ANKH: variants seen among roughly 807,000 people sequenced by gnomAD.
The protein encoded by ANKH is ANKH inorganic pyrophosphate transport regulator.
ANKH carries 15 observed loss-of-function variants against 49.0 expected under a neutral mutation model. The ratio of observed to expected loss-of-function variants is 0.31; its 90% CI spans 0.20 to 0.47. The LOEUF is 0.47. Ranked by LOEUF, ANKH falls within the 20% of genes least tolerant of loss-of-function variation. ANKH has a pLI of 1.00. For missense variants in ANKH, 429 were observed against 652.0 expected (o/e 0.66, Z 3.72); for synonymous variants, 273 against 260.0 (o/e 1.05, Z -0.48).
At chr5:14,741,091 GT>G (rs1398695292) in intron 8 of ANKH, among the ~76,000 whole-genome samples, 2 of 152,160 alleles carry the variant, frequency 1.3e-5, no homozygotes, top group South Asian at 2.1e-4. Flanking sequence ...TAAACGGTAA[GT>G]TTTTTGCCAC....
At chr5:14,843,213 T>G (rs1329190232) in intron 1 of ANKH, among the ~76,000 whole-genome samples, 1 of 150,998 alleles carries the variant, frequency 6.6e-6, no homozygotes, top group Non-Finnish European at 1.5e-5. Context: ...ACTCGTTCTG[T>G]TGCCCAGGCC....
intron 1 of ANKH, among the ~76,000 whole-genome samples, chr5:14,813,770 T>C (rs1740954013): frequency 1.3e-5 from 2 of 152,172 alleles, no homozygotes; most frequent in South Asian, 2.1e-4. Flanking sequence ...CAGCATCATC[T>C]TCTTAAAACA....
chr5:14,752,187 G>C (rs190314582), intron 4 of ANKH, among the ~76,000 whole-genome samples: 1 of 152,096 alleles, frequency 6.6e-6, no homozygotes, highest in Non-Finnish European at 1.5e-5. Flanking sequence ...GTGCACACCC[G>C]TAGTCCTAGC....
At chr5:14,760,690 C>T (rs1181638700) in intron 2 of ANKH, among the ~76,000 whole-genome samples, 1 of 152,130 alleles carries the variant, frequency 6.6e-6, no homozygotes, top group Admixed American at 6.5e-5. Flanking sequence ...CTGTGCCAGG[C>T]GAGTAGAGCA....
rs59955511 is a variant in ANKH, at chr5:14,798,737, C to T, written c.97-29546G>A. On this transcript the variant is annotated intron_variant, in intron 1 of 11. Coordinates refer to ENST00000284268, the MANE Select transcript of ANKH (RefSeq NM_054027.6). ...CACAAACTGCACCCATATTAGATGG[C>T]AAACTTAATAAATGTGTGTGTCCTG... 4.2e-3 allele frequency among the ~76,000 whole-genome samples: 645 copies of T among 152,256 alleles called. 4 individuals are homozygous for T. Among genetic ancestry groups the T allele is most frequent in the African/African-American group, 0.015 (619 of 41,546 alleles).
At chr5:14,819,896 A>AAT (rs1442592831) in intron 1 of ANKH, among the ~76,000 whole-genome samples, 41 of 96,296 alleles carry the variant, frequency 4.3e-4, no homozygotes, top group Admixed American at 3.4e-3. Context: ...CAACAACAAA[A>AAT]ATATACACAC....
At chr5:14,735,957 C>T (rs1299975976) in intron 8 of ANKH, among the ~76,000 whole-genome samples, 1 of 151,362 alleles carries the variant, frequency 6.6e-6, no homozygotes. Context: ...TTTAACCCCC[C>T]ACTGACTACA....
intron 11 of ANKH, among the ~76,000 whole-genome samples, chr5:14,712,038 A>T (rs935470394): frequency 2.0e-5 from 3 of 152,132 alleles, no homozygotes; most frequent in African/African-American, 7.2e-5. Flanking sequence ...CTCAGCTTAC[A>T]TGACATGCTC....
chr5:14,789,057 C>T (rs1337753588), intron 1 of ANKH, among the ~76,000 whole-genome samples: 1 of 152,068 alleles, frequency 6.6e-6, no homozygotes, highest in African/African-American at 2.4e-5. Context: ...AGTGAAATCC[C>T]ATCTCTACAA....
intron 1 of ANKH, among the ~76,000 whole-genome samples, chr5:14,771,380 A>T (rs1392147745): frequency 6.6e-6 from 1 of 152,012 alleles, no homozygotes. Flanking sequence ...ACTTAAACAT[A>T]CTCCAAGAAT....
At chr5:14,786,129 C>G (rs987242268) in intron 1 of ANKH, among the ~76,000 whole-genome samples, 1 of 150,852 alleles carries the variant, frequency 6.6e-6, no homozygotes, top group Admixed American at 6.6e-5. Flanking sequence ...TCTTTGATGG[C>G]ACATTCTTGG....
rs1019529396 is a variant in ANKH at position 14,814,648 on chromosome 5, A to G, written c.97-45457T>C. On this transcript the variant is annotated intron_variant, in intron 1 of 11. Coordinates refer to ENST00000284268, the MANE Select transcript of ANKH (RefSeq NM_054027.6). The stretch of plus-strand genomic sequence containing the variant: ...ATGTAACTAAATGGACCCGGAGTGG[A>G]TAAATTAAGTCAGATGCTTTTTATT... Among the ~76,000 whole-genome samples, 11 of 152,196 alleles carry G rather than the reference A, an allele frequency of 7.2e-5. No homozygotes were observed. The East Asian group carries it at 1.3e-3, about 19-fold the overall frequency.
chr5:14,760,844 G>GTGAAATTCCATAGTGAAATTCCATA (rs1283108501), intron 2 of ANKH, among the ~76,000 whole-genome samples: 4 of 152,206 alleles, frequency 2.6e-5, no homozygotes, highest in Non-Finnish European at 5.9e-5. Context: ...CTATGGAATT[G>GTGAAATTCCATAGTGAAATTCCATA]GTGAAAGGGC....
At chr5:14,861,279 G>A (rs1217556028) in intron 1 of ANKH, among the ~76,000 whole-genome samples, 2 of 152,038 alleles carry the variant, frequency 1.3e-5, no homozygotes, top group African/African-American at 2.4e-5. Flanking sequence ...TCCTTCTCAC[G>A]TCCTCAGAAG....
Position 14,710,168 on chromosome 5 carries a change from G to GAGTT in ANKH, c.*1025_*1028dup, listed in dbSNP as rs765388046. Reference sequence around the variant, plus strand: ...TACATTCTCAATTACCTGTACCGCAGAGTTATGACTAAGGATAGCAGAACC... The same window carrying GAGTT: ...TACATTCTCAATTACCTGTACCGCAGAGTTAGTTATGACTAAGGATAGCAGAACC... On this transcript the variant is annotated 3_prime_UTR_variant, in exon 12 of 12. Transcript: ENST00000284268. 3.9e-5 allele frequency: 6 copies of GAGTT among 152,222 alleles called. No homozygotes were observed. The highest frequency in any genetic ancestry group is 8.8e-5 in the Non-Finnish European group (6 of 68,046). The allele number at this position is 152,222 out of a possible 1,614,324, so 9.4% of individuals were successfully genotyped here.
intron 1 of ANKH, among the ~76,000 whole-genome samples, chr5:14,773,840 A>C (rs1400136825): frequency 6.6e-6 from 1 of 152,230 alleles, no homozygotes; most frequent in African/African-American, 2.4e-5. Context: ...TGAATGAACG[A>C]ATGAATTGGC....
intron 1 of ANKH, among the ~76,000 whole-genome samples, chr5:14,836,388 T>C (rs1251651827): frequency 6.6e-6 from 1 of 152,210 alleles, no homozygotes; most frequent in Admixed American, 6.5e-5. Context: ...CAGCCCCAAA[T>C]CTGCTTAAGC....
rs929015440 is a variant in ANKH at position 14,710,340 on chromosome 5, G to C, written c.*857C>G. ...CGCTCTAATGCGACCTTCAGGAAAG[G>C]CGAGGGAAAAGCAAGCCTTCAGGAA... On this transcript the variant is annotated 3_prime_UTR_variant, in exon 12 of 12. Transcript: ENST00000284268. 2.0e-5 allele frequency: 3 copies of C among 152,238 alleles called. No individual in the cohort carries two copies. Among genetic ancestry groups the C allele is most frequent in the African/African-American group, 7.2e-5 (3 of 41,452 alleles). The allele number at this position is 152,238 out of a possible 1,614,324, so 9.4% of individuals were successfully genotyped here.
intron 1 of ANKH, chr5:14,870,028 G>A (rs908203927): frequency 2.2e-5 from 3 of 136,194 alleles, no homozygotes; most frequent in African/African-American, 8.1e-5. Flanking sequence ...AGGGAAGGTG[G>A]GCGGGTACAG....
Sources: allele counts gnomAD v4.1 joint callset (sites outside exome capture counted in the v4.1 genomes callset), GRCh38; gene constraint gnomAD v4.1.1; transcripts MANE v1.5; gene names NCBI Gene and HGNC (gene_info 2026-07-23, HGNC 2026-07-21).